NEBL: variants seen among roughly 807,000 people sequenced by gnomAD.
NEBL encodes the protein LIM and SH3 protein 2.
Under a neutral mutation model 140.2 loss-of-function variants are expected in NEBL, and 122 were observed. The observed-to-expected ratio is 0.87, with a 90% CI of 0.75 to 1.01. The LOEUF (loss-of-function observed/expected upper bound fraction) is 1.01. Among genes scored for constraint, NEBL ranks in the 50% least tolerant of loss-of-function variants. NEBL has a pLI of 0.00. For synonymous variants in NEBL, 436 were observed against 398.9 expected, an observed-to-expected ratio of 1.09 and a Z score of -1.11; for missense variants, 1,365 against 1,231.3, an observed-to-expected ratio of 1.11 and a Z score of -1.62.
chr10:20,897,510 A>C, upstream of NEBL: 1 of 1,123,786 alleles, frequency 8.9e-7, no homozygotes, highest in African/African-American at 1.6e-5. Context: ...AAAAGAAAAA[A>C]TTTATTTATC....
chr10:20,878,297 A>G (rs1845694852), intron 5 of NEBL, among the ~76,000 whole-genome samples: 1 of 152,234 alleles, frequency 6.6e-6, no homozygotes, highest in Admixed American at 6.5e-5. Context: ...AAACATAAAA[A>G]AGTTAGGCAA....
At chr10:21,098,990 G>A (rs999705514) in intron 2 of NEBL, among the ~76,000 whole-genome samples, 2 of 152,064 alleles carry the variant, frequency 1.3e-5, no homozygotes, top group African/African-American at 4.8e-5. Context: ...AAAAATAGCT[G>A]GACATGGTGG....
At chr10:20,963,849 G>T (rs569401249) in intron 3 of NEBL, among the ~76,000 whole-genome samples, 22 of 152,156 alleles carry the variant, frequency 1.4e-4, no homozygotes, top group Non-Finnish European at 2.6e-4. Flanking sequence ...AGTGTTGCAG[G>T]ATTCCTATTT....
intron 2 of NEBL, among the ~76,000 whole-genome samples, chr10:21,083,425 G>C (rs970483523): frequency 2.0e-5 from 3 of 152,072 alleles, no homozygotes; most frequent in African/African-American, 7.2e-5. Flanking sequence ...CTGTTCAAGG[G>C]GTACACTGAG....
chr10:21,255,907 G>A (rs1267414349), intron 1 of NEBL, among the ~76,000 whole-genome samples: 4 of 151,446 alleles, frequency 2.6e-5, no homozygotes, highest in Non-Finnish European at 4.4e-5. Flanking sequence ...GCTTGAGCCC[G>A]GGAGGCAAAG....
At chr10:21,153,151 C>T (rs986578192) in intron 2 of NEBL, among the ~76,000 whole-genome samples, 2 of 152,154 alleles carry the variant, frequency 1.3e-5, no homozygotes, top group Non-Finnish European at 2.9e-5. Context: ...AACCTCTCAA[C>T]AACTCTTGGC....
chr10:21,048,934 C>T (rs1015782666), intron 2 of NEBL, among the ~76,000 whole-genome samples: 6 of 152,048 alleles, frequency 3.9e-5, no homozygotes, highest in African/African-American at 1.4e-4. Context: ...TGCTTGAACC[C>T]GGGAGGTGGA....
intron 2 of NEBL, among the ~76,000 whole-genome samples, chr10:21,098,194 T>A (rs899278120): frequency 1.4e-5 from 2 of 138,580 alleles, no homozygotes; most frequent in East Asian, 2.0e-4. Flanking sequence ...ACACACACAC[T>A]CATTCACATA....
intron 6 of NEBL, 139 bp downstream of exon 6, chr10:20,869,601 T>A (rs1024284729): frequency 4.3e-6 from 3 of 694,014 alleles, no homozygotes; most frequent in Non-Finnish European, 5.2e-6. Flanking sequence ...ATAGATAATT[T>A]AGGGGGGGAA....
intron 2 of NEBL, among the ~76,000 whole-genome samples, chr10:21,076,039 G>C (rs1836056187): frequency 6.6e-6 from 1 of 152,104 alleles, no homozygotes; most frequent in South Asian, 2.1e-4. Flanking sequence ...AAATAACAGG[G>C]TCTTGGTGAG....
chr10:20,780,271 C>A lies in NEBL; in HGVS notation c.*5476G>T, dbSNP rs1015792869. On this transcript the variant is annotated 3_prime_UTR_variant, in exon 28 of 28. Transcript: ENST00000377122. ...TGCACTTTCTATTCTATGCTCCAAACCATTTCTTTCATCTTATGAATAGAA... is the reference window on the plus strand; with the variant it reads ...TGCACTTTCTATTCTATGCTCCAAAACATTTCTTTCATCTTATGAATAGAA... 2.0e-5 allele frequency: 3 copies of A among 152,280 alleles called. No homozygotes were observed. Among genetic ancestry groups the A allele is most frequent in the African/African-American group, 7.2e-5 (3 of 41,556 alleles). 9.4% of individuals were successfully genotyped at this position (152,280 alleles called of 1,614,324 possible). A position where few individuals can be genotyped will look rare whatever the true frequency, so the allele number is the denominator to read the frequency against.
chr10:21,085,648 T>C (rs1303471436), intron 2 of NEBL, among the ~76,000 whole-genome samples: 1 of 152,114 alleles, frequency 6.6e-6, no homozygotes, highest in African/African-American at 2.4e-5. Flanking sequence ...AAATTAAAAT[T>C]AAAATTAGAA....
At chr10:21,085,765 T>C (rs1836596792) in intron 2 of NEBL, among the ~76,000 whole-genome samples, 1 of 152,222 alleles carries the variant, frequency 6.6e-6, no homozygotes, top group Non-Finnish European at 1.5e-5. Flanking sequence ...TGTTCTAATA[T>C]AAATGCACAA....
At chr10:21,038,414 A>G (rs1182485325) in intron 2 of NEBL, among the ~76,000 whole-genome samples, 37 of 152,068 alleles carry the variant, frequency 2.4e-4, no homozygotes, top group Non-Finnish European at 1.5e-5. Flanking sequence ...CCCTGTGTCC[A>G]TGTGTTCTCA....
At chr10:20,787,939 C>T (rs1053564496) in intron 26 of NEBL, among the ~76,000 whole-genome samples, 3 of 152,118 alleles carry the variant, frequency 2.0e-5, no homozygotes, top group Admixed American at 1.3e-4. Flanking sequence ...CAGCTAAATA[C>T]GTTACAAAAG....
rs193297361 is a variant in NEBL, at chr10:21,233,436, A to C, written n.348+14485T>G. Among the ~76,000 whole-genome samples, 416 of 152,038 alleles carry C rather than the reference A, an allele frequency of 2.7e-3. 6 individuals carry two copies. Among genetic ancestry groups the C allele is most frequent in the Non-Finnish European group, 5.0e-4 (34 of 67,992 alleles). On this transcript the variant is annotated intron_variant and non_coding_transcript_variant, in intron 3 of 8. Coordinates refer to the NEBL transcript ENST00000675702. ...TGGTCATCTGACATTTAGTACTTAT[A>C]ATTTGGGAAGGACTCTTCCATACTA... is the stretch of plus-strand genomic sequence containing the variant.
At position 21,051,233 on chromosome 10, in the gene NEBL, A is replaced by T. The variant is rs188285854; in HGVS notation, c.165-31032T>A. ...TTGCGAGGATTTATATTCGGAGATC[A>T]CATTTTTTATTGTAATTCTCATTTG... On this transcript the variant is annotated intron_variant, in intron 2 of 6. Coordinates refer to the NEBL transcript ENST00000417816. Among the ~76,000 whole-genome samples, 13 of 152,316 alleles carry T rather than the reference A, an allele frequency of 8.5e-5. No homozygotes were observed. In the East Asian group the frequency reaches 2.5e-3, roughly 29 times the overall value.
intron 26 of NEBL, among the ~76,000 whole-genome samples, chr10:20,796,367 GAA>G (rs57844177): frequency 0.051 from 2,608 of 51,476 alleles, 43 homozygotes; most frequent in African/African-American, 0.15. Flanking sequence ...TCTAAAACAA[GAA>G]AAAAAAAAAA....
chr10:21,054,065 G>T (rs1252543356), intron 2 of NEBL, among the ~76,000 whole-genome samples: 3 of 151,738 alleles, frequency 2.0e-5, no homozygotes, highest in Admixed American at 6.6e-5. Context: ...AAAGAAGTAT[G>T]CCTAAAACAC....
Sources: gnomAD v4.1 joint callset for allele counts (sites outside exome capture counted in the v4.1 genomes callset) on GRCh38, gnomAD v4.1.1 for gene constraint, MANE v1.5 for transcripts, NCBI Gene and HGNC (gene_info 2026-07-23, HGNC 2026-07-21) for gene names.